Variants in PCDH15 observed in about 807,000 individuals in gnomAD.
PCDH15 encodes the protein protocadherin related 15.
A neutral mutation model predicts 178.5 loss-of-function variants in PCDH15; 129 were observed. That is an observed-to-expected ratio of 0.72 (90% CI 0.63 to 0.84). The LOEUF is 0.84. PCDH15 is among the 40% of genes least tolerant of loss of function. The pLI is 0.00. For synonymous variants in PCDH15, 800 were observed against 732.0 expected (o/e 1.09, Z -1.50); for missense variants, 2,230 against 2,099.9 (o/e 1.06, Z -1.21).
chr10:54,201,659 T>C (rs951579319), intron 10 of PCDH15, among the ~76,000 whole-genome samples: 2 of 152,206 alleles, frequency 1.3e-5, no homozygotes, highest in Non-Finnish European at 2.9e-5. Flanking sequence ...GTATCTTTAA[T>C]TTTAATAGGC....
intron 2 of PCDH15, among the ~76,000 whole-genome samples, chr10:54,981,153 A>G (rs1026409342): frequency 6.6e-6 from 1 of 152,158 alleles, no homozygotes; most frequent in African/African-American, 2.4e-5. Context: ...TGCAACAAAC[A>G]AAAACTCAAA....
At chr10:55,332,782 T>C (rs1185891844) in intron 2 of PCDH15, among the ~76,000 whole-genome samples, 1 of 152,204 alleles carries the variant, frequency 6.6e-6, no homozygotes, top group African/African-American at 2.4e-5. Context: ...TTCATTCTCT[T>C]TTGCCTGCCA....
At chr10:55,165,185 T>C (rs1172325949) in intron 2 of PCDH15, among the ~76,000 whole-genome samples, 2 of 152,098 alleles carry the variant, frequency 1.3e-5, no homozygotes, top group African/African-American at 4.8e-5. Context: ...CATGATTTTG[T>C]ATACTCAACA....
intron 21 of PCDH15, among the ~76,000 whole-genome samples, chr10:53,968,149 A>T (rs1368847898): frequency 6.6e-6 from 1 of 152,108 alleles, no homozygotes; most frequent in Non-Finnish European, 1.5e-5. Context: ...GTACACTCCC[A>T]CTCTAATACT....
At chr10:55,478,118 T>C (rs1840099972) in intron 2 of PCDH15, among the ~76,000 whole-genome samples, 1 of 151,498 alleles carries the variant, frequency 6.6e-6, no homozygotes, top group Admixed American at 6.6e-5. Flanking sequence ...AAAGAGGAAA[T>C]AATAAATGTA....
chr10:54,350,541 T>C (rs1944004951), intron 5 of PCDH15, among the ~76,000 whole-genome samples: 1 of 152,110 alleles, frequency 6.6e-6, no homozygotes, highest in South Asian at 2.1e-4. Flanking sequence ...TTGAGGCTAA[T>C]ATGAGAGAAA....
intron 2 of PCDH15, among the ~76,000 whole-genome samples, chr10:54,984,307 G>T (rs1477028367): frequency 6.6e-6 from 1 of 151,990 alleles, no homozygotes; most frequent in Non-Finnish European, 1.5e-5. Flanking sequence ...CTCTCCCCAC[G>T]CAAGTCATAA....
chr10:54,629,174 A>G (rs775442521), intron 2 of PCDH15, among the ~76,000 whole-genome samples: 1 of 152,186 alleles, frequency 6.6e-6, no homozygotes, highest in Non-Finnish European at 1.5e-5. Flanking sequence ...ACTATTAAGT[A>G]AAACTCTGAG....
chr10:54,496,857 A>G (rs1035674883), intron 3 of PCDH15, among the ~76,000 whole-genome samples: 3 of 152,118 alleles, frequency 2.0e-5, no homozygotes, highest in African/African-American at 7.2e-5. Context: ...TCAGCTTACG[A>G]CCACCCTTGT....
rs147527265 is a variant in PCDH15 at position 54,740,303 on chromosome 10, C to T, written c.-29+60622G>A. On this transcript the variant is annotated intron_variant, in intron 1 of 37. Transcript: ENST00000644397. ...GTTCAAAATCACTAGCCATGGGGAA[C>T]GTAAATATAAACCACAATGAAATAT... Among the ~76,000 whole-genome samples the T allele has an allele frequency of 2.6e-3, 390 of 151,778 alleles. 1 individual carries two copies. The highest frequency in any genetic ancestry group is 8.8e-3 in the African/African-American group (364 of 41,468).
At chr10:54,841,283 CGTG>C (rs1953412865) in intron 3 of PCDH15, among the ~76,000 whole-genome samples, 1 of 151,472 alleles carries the variant, frequency 6.6e-6, no homozygotes, top group Admixed American at 6.6e-5. Context: ...AATTCGCAAA[CGTG>C]GGAATTAAAC....
chr10:54,498,865 C>T (rs1051278873), intron 3 of PCDH15, among the ~76,000 whole-genome samples: 1 of 152,002 alleles, frequency 6.6e-6, no homozygotes, highest in Non-Finnish European at 1.5e-5. Context: ...GCTGGGAGGG[C>T]CCAGGAAACT....
intron 21 of PCDH15, among the ~76,000 whole-genome samples, chr10:53,986,169 A>T (rs1432359140): frequency 3.3e-5 from 5 of 152,160 alleles, no homozygotes; most frequent in Admixed American, 1.3e-4. Flanking sequence ...CTTTTTCAAA[A>T]AAAAACAACA....
At chr10:55,131,206 C>T (rs1187190183) in intron 2 of PCDH15, among the ~76,000 whole-genome samples, 1 of 152,118 alleles carries the variant, frequency 6.6e-6, no homozygotes, top group Non-Finnish European at 1.5e-5. Context: ...TCCCTCTTTC[C>T]CCACTACCCC....
At chr10:55,070,996 C>A (rs12414537) in intron 2 of PCDH15, among the ~76,000 whole-genome samples, 2 of 152,058 alleles carry the variant, frequency 1.3e-5, no homozygotes, top group Non-Finnish European at 1.5e-5. Context: ...TCCAGCCAAA[C>A]TAAGCTTCAT....
At chr10:55,320,051 A>G (rs1843847960), upstream of PCDH15, among the ~76,000 whole-genome samples, 1 of 151,836 alleles carries the variant, frequency 6.6e-6, no homozygotes, top group East Asian at 1.9e-4. Context: ...GCCTCCCCAA[A>G]CTGGAGCCTC....
chr10:55,081,376 T>C (rs1296313695), intron 2 of PCDH15, among the ~76,000 whole-genome samples: 1 of 152,210 alleles, frequency 6.6e-6, no homozygotes, highest in Non-Finnish European at 1.5e-5. Context: ...ATCTCATTTA[T>C]GAAGGCTCCA....
At chr10:53,975,721 G>C (rs759991927) in intron 21 of PCDH15, among the ~76,000 whole-genome samples, 1 of 150,706 alleles carries the variant, frequency 6.6e-6, no homozygotes, top group Non-Finnish European at 1.5e-5. Flanking sequence ...TCTATAGGTT[G>C]TCTGTTTACT....
chr10:54,295,324 A>G (rs1160309282), intron 8 of PCDH15, among the ~76,000 whole-genome samples: 1 of 152,148 alleles, frequency 6.6e-6, no homozygotes, highest in East Asian at 1.9e-4. Flanking sequence ...ACCAATCAGC[A>G]CTCTGTAAAA....
Sources: allele counts gnomAD v4.1 joint callset (sites outside exome capture counted in the v4.1 genomes callset), GRCh38; gene constraint gnomAD v4.1.1; transcripts MANE v1.5; gene names NCBI Gene and HGNC (gene_info 2026-07-23, HGNC 2026-07-21).